KLHL35: variants seen among roughly 807,000 people sequenced by gnomAD.
The protein encoded by KLHL35 is kelch like family member 35.
A neutral mutation model predicts 44.0 loss-of-function variants in KLHL35; 50 were observed. The ratio of observed to expected loss-of-function variants is 1.14; its 90% confidence interval spans 0.91 to 1.44. The LOEUF (loss-of-function observed/expected upper bound fraction) is 1.44, where lower values mean the gene tolerates loss of function less well. Ranked by LOEUF, KLHL35 falls within the 40% of genes most tolerant of loss-of-function variation. The pLI is 0.00. For missense variants in KLHL35, 1,049 were observed against 887.8 expected (o/e 1.18, Z -2.31); for synonymous variants, 470 against 410.4 (o/e 1.15, Z -1.76).
rs1948457954 is a variant in KLHL35 at position 75,422,627 on chromosome 11, T to G, written c.1705A>C (p.Thr569Pro). The G allele has an allele frequency of 1.2e-6, 2 of 1,613,978 alleles. No individual in the cohort carries two copies. The highest frequency in any genetic ancestry group is 1.7e-6 in the Non-Finnish European group (2 of 1,179,870). ...ATGGTGACACAGCCGTGGGAGCTGGTGCAGCGCTGCAGGGATGGCTGGACC... is the reference window on the plus strand; with the variant it reads ...ATGGTGACACAGCCGTGGGAGCTGGGGCAGCGCTGCAGGGATGGCTGGACC... ...VEVQPSLQRCTSSHGCVTIIQ... is the reference protein window; with the variant it reads ...VEVQPSLQRCPSSHGCVTIIQ... The change falls in exon 7 of 7, where the codon ACC becomes CCC. Residue 569 changes from threonine (T) to proline (P), a missense_variant. Physicochemically the swap from Thr to Pro is conservative, Grantham distance 38. Transcript: ENST00000539798.
intron 3 of KLHL35, among the ~76,000 whole-genome samples, chr11:75,427,646 T>G (rs748483222): frequency 6.6e-6 from 1 of 152,148 alleles, no homozygotes; most frequent in African/African-American, 2.4e-5. Flanking sequence ...TTAAGGTCAA[T>G]CCACCTAGCC....
intron 4 of KLHL35, 44 bp from the exon 5 acceptor site, chr11:75,425,625 T>C: frequency 2.1e-6 from 3 of 1,413,408 alleles, no homozygotes; most frequent in Non-Finnish European, 2.8e-6. Context: ...GCCAGGGCCT[T>C]AGGGCCCTCG....
In KLHL35 at chr11:75,422,773, G is replaced by T. The variant is rs1364750579; in HGVS notation, c.1564-5C>A. ...CACAGTGACTCCACAGCTTTCCTGG[G>T]TGGACAAACAGAAAGACAACTATCA... On this transcript the variant is annotated splice_region_variant and splice_polypyrimidine_tract_variant and intron_variant, in intron 6 of 6. Transcript: ENST00000539798. The T allele has an allele frequency of 1.9e-6, 3 of 1,607,014 alleles. No homozygotes were observed. Among genetic ancestry groups the T allele is most frequent in the Admixed American group, 1.7e-5 (1 of 59,918 alleles).
chr11:75,429,732 G>A lies in KLHL35; in HGVS notation c.881+17C>T, dbSNP rs1280835654. The A allele has an allele frequency of 4.9e-6, 7 of 1,441,512 alleles. No individual in the cohort carries two copies. The highest frequency in any genetic ancestry group is 6.3e-6 in the Non-Finnish European group (7 of 1,104,314). The allele number at this position is 1,441,512 out of a possible 1,614,324, so 89.3% of individuals were successfully genotyped here. A position where few individuals can be genotyped will look rare whatever the true frequency, so the allele number is the denominator to read the frequency against. ...GGGAAGAACGGAGGGCGGGAAGCTAGGGGATGGCGGCCCTACCTCCGCGGC... is the reference window on the plus strand; with the variant it reads ...GGGAAGAACGGAGGGCGGGAAGCTAAGGGATGGCGGCCCTACCTCCGCGGC... On this transcript the variant is annotated intron_variant, in intron 2 of 6. Transcript: ENST00000539798.
intron 5 of KLHL35, 113 bp downstream of exon 5, chr11:75,425,280 G>T (rs1282411345): frequency 6.7e-6 from 8 of 1,197,616 alleles, no homozygotes; most frequent in Non-Finnish European, 8.9e-6. Context: ...CTGGGCTGTT[G>T]ATGGGATTAA....
intron 1 of KLHL35, among the ~76,000 whole-genome samples, chr11:75,431,047 G>A (rs1207931986): frequency 6.6e-6 from 1 of 152,208 alleles, no homozygotes; most frequent in African/African-American, 2.4e-5. Context: ...GGTCTGTAGC[G>A]GGAGAGCAGG....
chr11:75,430,407 G>A lies in KLHL35; in HGVS notation c.223C>T (p.Pro75Ser). The change falls in exon 2 of 7, where the codon CCC (proline) becomes TCC (serine). Residue 75 changes from proline (P) to serine (S), a missense_variant. Pro to Ser is a moderately conservative substitution (Grantham distance 74). Coordinates refer to ENST00000539798, the MANE Select transcript of KLHL35 (RefSeq NM_001039548.3). ...YFRSLFAAGR[P>S]ERGPAVVPVV... The stretch of plus-strand genomic sequence containing the variant: ...GGCACCACGGCCGGGCCGCGCTCGG[G>A]CCGCCCGGCCGCGAACAAGCTGCGG... 1 of 1,359,902 alleles carries A rather than the reference G, an allele frequency of 7.4e-7. No homozygotes were observed. The highest frequency in any genetic ancestry group is 9.5e-7 in the Non-Finnish European group (1 of 1,048,554). 84.2% of individuals were successfully genotyped at this position (1,359,902 alleles called of 1,614,324 possible). A position where few individuals can be genotyped will look rare whatever the true frequency, so the allele number is the denominator to read the frequency against.
intron 4 of KLHL35, chr11:75,426,282 G>A: frequency 2.9e-6 from 1 of 348,218 alleles, no homozygotes; most frequent in South Asian, 5.9e-5. Flanking sequence ...GCACAGTCAA[G>A]ATTCAAACCT....
intron 5 of KLHL35, 38 bp from the exon 6 acceptor site, chr11:75,423,918 C>G (rs775928456): frequency 6.7e-7 from 1 of 1,482,546 alleles, no homozygotes; most frequent in South Asian, 1.3e-5. Context: ...GACTCACCGC[C>G]CCCCCCAACA....
chr11:75,428,745 C>T, intron 2 of KLHL35, 119 bp from the exon 3 acceptor site: 3 of 846,980 alleles, frequency 3.5e-6, no homozygotes, highest in South Asian at 3.8e-5. Context: ...ATCACCCCCG[C>T]CCACCCGATC....
chr11:75,430,128 C>A lies in KLHL35; in HGVS notation c.502G>T (p.Ala168Ser). 1 of 1,265,854 alleles carries A rather than the reference C, an allele frequency of 7.9e-7. No homozygotes were observed. Among genetic ancestry groups the A allele is most frequent in the African/African-American group, 1.6e-5 (1 of 63,572 alleles). 78.4% of individuals were successfully genotyped at this position (1,265,854 alleles called of 1,614,324 possible). ...LRRVAAAFSL[A>S]PLAERCGRVL... The stretch of plus-strand genomic sequence containing the variant: ...CGGCCGCAGCGCTCGGCCAGCGGGG[C>A]CAGCGAGAAGGCGGCGGCCACGCGG... Residue 168 changes from alanine to serine, a missense_variant, in exon 2 of 7, where the codon GCC becomes TCC. Physicochemically the swap from Ala to Ser is moderately conservative, Grantham distance 99. Transcript: ENST00000539798.
At chr11:75,428,089 C>T (rs985158476) in intron 3 of KLHL35, among the ~76,000 whole-genome samples, 2 of 152,200 alleles carry the variant, frequency 1.3e-5, no homozygotes, top group African/African-American at 4.8e-5. Context: ...CTCTCCGAGC[C>T]TTTCTTATCT....
chr11:75,431,487 C>T (rs1403795929), intron 1 of KLHL35, among the ~76,000 whole-genome samples: 4 of 152,082 alleles, frequency 2.6e-5, no homozygotes, highest in Non-Finnish European at 5.9e-5. Flanking sequence ...TCAGGGAGGG[C>T]GTCCCTGAGG....
Position 75,422,555 on chromosome 11 carries a change from C to G in KLHL35, c.*25G>C. 3 of 1,598,362 alleles carry G rather than the reference C, an allele frequency of 1.9e-6. No homozygotes were observed. The highest frequency in any genetic ancestry group is 2.6e-6 in the Non-Finnish European group (3 of 1,167,866). On this transcript the variant is annotated 3_prime_UTR_variant, in exon 7 of 7. Transcript: ENST00000539798. ...TGAGCTCCGCCTGCCTCTCCGCCTC[C>G]TGGCTCAGGCTGTCCAAATCTGAAT...
At chr11:75,425,116 G>T (rs1353039558) in intron 5 of KLHL35, among the ~76,000 whole-genome samples, 1 of 151,944 alleles carries the variant, frequency 6.6e-6, no homozygotes, top group Non-Finnish European at 1.5e-5. Context: ...TGGAACAAAA[G>T]CATTTTAACT....
chr11:75,428,933 T>C (rs1948512603), intron 2 of KLHL35, among the ~76,000 whole-genome samples: 1 of 152,232 alleles, frequency 6.6e-6, no homozygotes, highest in South Asian at 2.1e-4. Flanking sequence ...GGCAGTTCTA[T>C]TAGTAGGGAT....
rs1052423347 is a variant in KLHL35, at chr11:75,426,836, C to A, written c.1067-198G>T. On this transcript the variant is annotated intron_variant, in intron 3 of 6. Transcript: ENST00000539798. ...GTGGTGGGAATGTCTGAGTTACGAC[C>A]CTCGAGGGGAGAAGCCTGACACATT... The A allele has an allele frequency of 1.1e-5, 5 of 475,274 alleles. No individual in the cohort carries two copies. The Admixed American group carries it at 1.1e-4, about 10-fold the overall frequency. The allele number at this position is 475,274 out of a possible 1,614,324, so 29.4% of individuals were successfully genotyped here.
rs772287595 is a variant in KLHL35, at chr11:75,423,730, C to A, written c.1525G>T (p.Asp509Tyr). The change falls in exon 6 of 7, where the codon GAT becomes TAT. Residue 509 changes from aspartate to tyrosine, a missense_variant. Transcript: ENST00000539798. ...SKIFTYDPGT[D>Y]VWGEAAVLPS... is the part of the protein sequence containing the mutation. Reference sequence around the variant, plus strand: ...AGGACAGCTGCCTCCCCCCACACATCTGTGCCTGGATCATAGGTGAAGATT... The same window carrying A: ...AGGACAGCTGCCTCCCCCCACACATATGTGCCTGGATCATAGGTGAAGATT... 1.2e-6 allele frequency: 2 copies of A among 1,613,764 alleles called. No individual in the cohort carries two copies. The highest frequency in any genetic ancestry group is 2.7e-5 in the African/African-American group (2 of 74,914).
intron 6 of KLHL35, chr11:75,423,097 G>C (rs989421132): frequency 3.3e-6 from 1 of 304,464 alleles, no homozygotes; most frequent in Non-Finnish European, 6.2e-6. Flanking sequence ...CTGGAATGTG[G>C]TAAGCACACC....
Sources: gnomAD v4.1 joint callset for allele counts (sites outside exome capture counted in the v4.1 genomes callset) on GRCh38, gnomAD v4.1.1 for gene constraint, MANE v1.5 for transcripts, NCBI Gene and HGNC (gene_info 2026-07-23, HGNC 2026-07-21) for gene names.